Variants in LCMT1 observed in about 807,000 individuals in gnomAD.
LCMT1 encodes [Phosphatase 2A protein]-leucine-carboxy methyltransferase 1.
Under a neutral mutation model 47.7 loss-of-function variants are expected in LCMT1, and 32 were observed. That is an observed-to-expected ratio of 0.67 (90% CI 0.51 to 0.90). The LOEUF (loss-of-function observed/expected upper bound fraction) is 0.90. Among genes scored for constraint, LCMT1 ranks in the 40% least tolerant of loss-of-function variants. The pLI is 0.00. For missense variants in LCMT1, 375 were observed against 415.2 expected (o/e 0.90, Z 0.84); for synonymous variants, 152 against 149.7 (o/e 1.02, Z -0.11).
chr16:25,121,794 C>T (rs1451512314), intron 1 of LCMT1, among the ~76,000 whole-genome samples: 1 of 152,162 alleles, frequency 6.6e-6, no homozygotes, highest in South Asian at 2.1e-4. Flanking sequence ...CTTGGTCCTG[C>T]TTTTGACATG....
intron 7 of LCMT1, among the ~76,000 whole-genome samples, chr16:25,168,270 A>C (rs1359375326): frequency 6.6e-6 from 1 of 152,182 alleles, no homozygotes; most frequent in East Asian, 1.9e-4. Context: ...GCTGGTATTG[A>C]ATTCCTGGCC....
At chr16:25,133,539 C>T (rs1960416807) in intron 3 of LCMT1, among the ~76,000 whole-genome samples, 1 of 151,308 alleles carries the variant, frequency 6.6e-6, no homozygotes, top group South Asian at 2.1e-4. Context: ...GCTTGGACTA[C>T]AGGTGCACAC....
chr16:25,177,993 C>T lies in LCMT1; in HGVS notation c.983-8C>T. 1.9e-6 allele frequency: 3 copies of T among 1,613,562 alleles called. No homozygotes were observed. The highest frequency in any genetic ancestry group is 2.5e-6 in the Non-Finnish European group (3 of 1,179,566). ...CTCCTAATGGTGTCTGTGTGTCTCT[C>T]CCCTCAGGGCTGAAGGAGATAACTT... is the stretch of plus-strand genomic sequence containing the variant. On this transcript the variant is annotated splice_polypyrimidine_tract_variant and splice_region_variant and intron_variant, in intron 10 of 10. Coordinates refer to ENST00000399069, the MANE Select transcript of LCMT1 (RefSeq NM_016309.3).
In LCMT1 at chr16:25,128,548, G is replaced by A. The variant is rs757922957; in HGVS notation, c.187G>A (p.Ala63Thr). Residue 63 changes from alanine (A) to threonine (T), a missense_variant, in exon 2 of 11, where the codon GCC becomes ACC. Physicochemically the swap from Ala to Thr is moderately conservative, Grantham distance 58 (BLOSUM62 0). Transcript: ENST00000399069. ...HFVRLSKERK[A>T]PEINRGYFAR... ...TGTGAGACTGTCTAAAGAGAGGAAA[G>A]CCCCTGAAATCAACAGAGGCAAGTG... 154 of 1,603,686 alleles carry A rather than the reference G, an allele frequency of 9.6e-5. No individual in the cohort carries two copies. The highest frequency in any genetic ancestry group is 1.3e-4 in the Non-Finnish European group (150 of 1,174,866).
In LCMT1 at chr16:25,116,817, G is replaced by T. The variant is rs142285560; in HGVS notation, c.113+4821G>T. ...TGGTGTGGGAGATCACTTGAGCCCA[G>T]GAGGTCGAGGCTGCAGTGAGCTGAG... On this transcript the variant is annotated intron_variant, in intron 1 of 10. Coordinates refer to ENST00000399069, the MANE Select transcript of LCMT1 (RefSeq NM_016309.3). 1.1e-3 allele frequency among the ~76,000 whole-genome samples: 174 copies of T among 152,120 alleles called. 1 individual carries two copies. The highest frequency in any genetic ancestry group is 3.7e-3 in the South Asian group (18 of 4,820).
chr16:25,170,753 G>A lies in LCMT1; in HGVS notation c.832G>A (p.Ala278Thr). The A allele has an allele frequency of 1.2e-6, 2 of 1,613,496 alleles. No individual in the cohort carries two copies. Among genetic ancestry groups the A allele is most frequent in the Non-Finnish European group, 1.7e-6 (2 of 1,179,578 alleles). ...LLSNGWETASAVDMMELYNRL... is the reference protein window; with the variant it reads ...LLSNGWETASTVDMMELYNRL... Reference sequence around the variant, plus strand: ...GTCGAATGGGTGGGAAACAGCATCGGCCGTCGACATGATGGAGTTGTACAA... The same window carrying A: ...GTCGAATGGGTGGGAAACAGCATCGACCGTCGACATGATGGAGTTGTACAA... The change falls in exon 9 of 11, where the codon GCC (alanine) becomes ACC (threonine). Residue 278 changes from alanine (A) to threonine (T), a missense_variant. Ala to Thr is a moderately conservative substitution (Grantham distance 58). Coordinates refer to ENST00000399069, the MANE Select transcript of LCMT1 (RefSeq NM_016309.3).
chr16:25,121,297 C>T (rs1184006754), intron 1 of LCMT1, among the ~76,000 whole-genome samples: 1 of 151,958 alleles, frequency 6.6e-6, no homozygotes, highest in African/African-American at 2.4e-5. Flanking sequence ...GTAATCCCAG[C>T]TGCTTGGGAG....
At chr16:25,161,325 C>G in intron 6 of LCMT1, 121 bp downstream of exon 6, 1 of 526,138 alleles carries the variant, frequency 1.9e-6, no homozygotes, top group South Asian at 3.0e-5. Flanking sequence ...AGAGTTTTAT[C>G]ATTTCATTGC....
chr16:25,165,384 C>T (rs1199931810), intron 7 of LCMT1, among the ~76,000 whole-genome samples: 1 of 152,162 alleles, frequency 6.6e-6, no homozygotes, highest in African/African-American at 2.4e-5. Context: ...CTGGCTTGTG[C>T]TCTCAGCTAT....
intron 3 of LCMT1, among the ~76,000 whole-genome samples, chr16:25,135,917 C>T (rs898210356): frequency 1.3e-5 from 2 of 151,662 alleles, no homozygotes; most frequent in Admixed American, 6.6e-5. Context: ...ATGACAAAAC[C>T]CCATCTCTAC....
At chr16:25,162,064 G>A (rs1961447971) in intron 6 of LCMT1, among the ~76,000 whole-genome samples, 1 of 152,174 alleles carries the variant, frequency 6.6e-6, no homozygotes, top group African/African-American at 2.4e-5. Flanking sequence ...GGAGCAATCT[G>A]AAAGTATCTA....
intron 2 of LCMT1, chr16:25,132,053 C>G (rs1960362196): frequency 2.7e-6 from 1 of 367,296 alleles, no homozygotes; most frequent in Admixed American, 3.3e-5. Context: ...CAGGTTTACC[C>G]GAGTCCAGAG....
chr16:25,140,640 C>G, intron 4 of LCMT1: 1 of 183,222 alleles, frequency 5.5e-6, no homozygotes. Context: ...GAATTGACAT[C>G]ATGAGTAAGG....
chr16:25,126,697 C>A (rs570988246), intron 1 of LCMT1, among the ~76,000 whole-genome samples: 4 of 152,178 alleles, frequency 2.6e-5, no homozygotes, highest in Non-Finnish European at 5.9e-5. Context: ...TCTTTATTAT[C>A]CAAGAGTCCA....
At chr16:25,162,669 C>T (rs1343976208) in intron 6 of LCMT1, among the ~76,000 whole-genome samples, 1 of 151,562 alleles carries the variant, frequency 6.6e-6, no homozygotes, top group Non-Finnish European at 1.5e-5. Flanking sequence ...TAAGTGTTAG[C>T]AGTTGAAGAT....
At chr16:25,151,490 G>T in intron 4 of LCMT1, 64 bp from the exon 5 acceptor site, 1 of 1,321,496 alleles carries the variant, frequency 7.6e-7, no homozygotes, top group Non-Finnish European at 1.1e-6. Context: ...TGCAGTAAAT[G>T]AGCTCATGAG....
chr16:25,152,386 C>T (rs183562690), intron 5 of LCMT1, among the ~76,000 whole-genome samples: 3 of 152,224 alleles, frequency 2.0e-5, no homozygotes, highest in East Asian at 3.9e-4. Flanking sequence ...ACTCTGGGGT[C>T]CCCTTGGTTC....
chr16:25,132,360 C>T, intron 2 of LCMT1, 42 bp from the exon 3 acceptor site: 1 of 1,609,622 alleles, frequency 6.2e-7, no homozygotes, highest in Non-Finnish European at 8.5e-7. Flanking sequence ...TTTCTGTCAT[C>T]ACTGGGTGAT....
At position 25,169,215 on chromosome 16, in the gene LCMT1, T is replaced by TC. The variant is rs780945755; in HGVS notation, c.792+3dup. On this transcript the variant is annotated splice_region_variant and intron_variant, in intron 8 of 10. Transcript: ENST00000399069. ...ACCTGCAAGTCATTAGAGTCACAGG[T>TC]CAGAGAGCAGGGACTGGGATATCCA... The TC allele has an allele frequency of 9.0e-5, 143 of 1,594,272 alleles. 2 individuals carry two copies. In the South Asian group the frequency reaches 1.5e-3, roughly 17 times the overall value.
Sources: gnomAD v4.1 joint callset for allele counts (sites outside exome capture counted in the v4.1 genomes callset) on GRCh38, gnomAD v4.1.1 for gene constraint, MANE v1.5 for transcripts, NCBI Gene and HGNC (gene_info 2026-07-23, HGNC 2026-07-21) for gene names.